NUBPL: variants seen among roughly 807,000 people sequenced by gnomAD.
NUBPL encodes iron-sulfur cluster transfer protein NUBPL.
NUBPL carries 31 observed loss-of-function variants against 45.7 expected under a neutral mutation model. The observed-to-expected ratio is 0.68, with a 90% confidence interval of 0.51 to 0.92. The LOEUF (loss-of-function observed/expected upper bound fraction) is 0.92. Ranked by LOEUF, NUBPL falls within the 40% of genes least tolerant of loss-of-function variation. The pLI, the probability that NUBPL is intolerant of heterozygous loss-of-function variation, is 0.00. For synonymous variants in NUBPL, 144 were observed against 140.9 expected (o/e 1.02, Z -0.15); for missense variants, 401 against 398.7 (o/e 1.01, Z -0.05).
chr14:31,806,229 T>C (rs2039682886), intron 7 of NUBPL, among the ~76,000 whole-genome samples: 1 of 152,202 alleles, frequency 6.6e-6, no homozygotes, highest in Non-Finnish European at 1.5e-5. Flanking sequence ...TCTCTATTCC[T>C]TTATTTCCTG....
chr14:31,793,051 T>C (rs979277604), intron 7 of NUBPL, among the ~76,000 whole-genome samples: 9 of 152,214 alleles, frequency 5.9e-5, no homozygotes, highest in Non-Finnish European at 2.9e-5. Context: ...TTCCTTATCA[T>C]TGACTTTAGA....
chr14:31,759,552 G>A (rs1163967355), intron 6 of NUBPL, among the ~76,000 whole-genome samples: 1 of 151,838 alleles, frequency 6.6e-6, no homozygotes, highest in African/African-American at 2.4e-5. Flanking sequence ...GCATTTTTTT[G>A]TGGAGAGAAC....
intron 4 of NUBPL, among the ~76,000 whole-genome samples, chr14:31,636,941 A>C (rs1057348581): frequency 2.6e-5 from 4 of 151,946 alleles, no homozygotes; most frequent in Non-Finnish European, 4.4e-5. Context: ...GTGATATCCC[A>C]TTTATCATTT....
chr14:31,641,685 G>T (rs953050921), intron 4 of NUBPL, among the ~76,000 whole-genome samples: 1 of 152,084 alleles, frequency 6.6e-6, no homozygotes, highest in Non-Finnish European at 1.5e-5. Context: ...CTTTATTTTG[G>T]ATATATACCC....
At position 31,673,543 on chromosome 14, in the gene NUBPL, T is replaced by C; in HGVS notation, c.482T>C (p.Val161Ala). ...SEPVVWRGLM[V>A]MSAIEKLLRQ... ...CCAGTAGTTTGGAGAGGCCTTATGG[T>C]AATGTCGGCCATTGAGAAATTGTTG... Residue 161 changes from valine (V) to alanine (A), a missense_variant, in exon 6 of 11, where the codon GTA becomes GCA. Val to Ala is a moderately conservative substitution (Grantham distance 64). Coordinates refer to ENST00000281081, the MANE Select transcript of NUBPL (RefSeq NM_025152.3). The C allele has an allele frequency of 6.2e-7, 1 of 1,613,940 alleles. No individual in the cohort carries two copies. The highest frequency in any genetic ancestry group is 1.1e-5 in the South Asian group (1 of 91,082).
intron 3 of NUBPL, among the ~76,000 whole-genome samples, chr14:31,581,262 A>G (rs898915615): frequency 6.7e-6 from 1 of 148,596 alleles, no homozygotes; most frequent in Non-Finnish European, 1.5e-5. Flanking sequence ...GACCATTTTA[A>G]TGATTTTAAA....
chr14:31,775,608 T>G (rs1335941292), intron 6 of NUBPL, among the ~76,000 whole-genome samples: 1 of 152,160 alleles, frequency 6.6e-6, no homozygotes, highest in African/African-American at 2.4e-5. Context: ...CTTGGCCACT[T>G]GCTTTGTTTT....
intron 6 of NUBPL, among the ~76,000 whole-genome samples, chr14:31,781,804 A>G (rs552882188): frequency 3.5e-4 from 54 of 152,230 alleles, no homozygotes; most frequent in African/African-American, 1.3e-3. Context: ...ACCATCTATG[A>G]CATGCTTAGA....
intron 6 of NUBPL, among the ~76,000 whole-genome samples, chr14:31,754,567 A>C (rs1318427748): frequency 6.7e-6 from 1 of 149,242 alleles, no homozygotes; most frequent in Non-Finnish European, 1.5e-5. Context: ...GTGGGTTTTA[A>C]ATTGATAATG....
intron 4 of NUBPL, among the ~76,000 whole-genome samples, chr14:31,617,256 A>C (rs974491700): frequency 6.6e-6 from 1 of 152,058 alleles, no homozygotes; most frequent in Non-Finnish European, 1.5e-5. Flanking sequence ...CTAATTGAAT[A>C]CCCTTTATGT....
intron 6 of NUBPL, among the ~76,000 whole-genome samples, chr14:31,690,802 T>C (rs1223634982): frequency 3.9e-5 from 6 of 152,186 alleles, no homozygotes; most frequent in Non-Finnish European, 4.4e-5. Context: ...ATTCAAGACC[T>C]TGTAGACGCC....
chr14:31,739,037 G>A (rs973616833), intron 6 of NUBPL, among the ~76,000 whole-genome samples: 1 of 151,012 alleles, frequency 6.6e-6, no homozygotes, highest in African/African-American at 2.4e-5. Flanking sequence ...TTTTGAGATG[G>A]AGTCTCATTC....
At chr14:31,645,650 G>A (rs954268529) in intron 4 of NUBPL, among the ~76,000 whole-genome samples, 2 of 151,894 alleles carry the variant, frequency 1.3e-5, no homozygotes, top group Non-Finnish European at 2.9e-5. Flanking sequence ...TTTTTGCAAT[G>A]TGGTTAGTAT....
intron 2 of NUBPL, among the ~76,000 whole-genome samples, chr14:31,564,057 T>A (rs2033369746): frequency 6.6e-6 from 1 of 152,222 alleles, no homozygotes; most frequent in Non-Finnish European, 1.5e-5. Flanking sequence ...AAATTTATGC[T>A]CTTAACTAGT....
intron 6 of NUBPL, among the ~76,000 whole-genome samples, chr14:31,777,434 G>A (rs1033820650): frequency 6.6e-6 from 1 of 152,166 alleles, no homozygotes; most frequent in Non-Finnish European, 1.5e-5. Context: ...GGTTAAGTTG[G>A]TTCCTGTTTC....
intron 6 of NUBPL, among the ~76,000 whole-genome samples, chr14:31,685,570 CA>C: frequency 6.6e-6 from 1 of 150,784 alleles, no homozygotes; most frequent in African/African-American, 2.4e-5. Flanking sequence ...AGTGAAGAGG[CA>C]GTGAAAATTA....
At chr14:31,623,679 A>AC (rs2035129142) in intron 4 of NUBPL, among the ~76,000 whole-genome samples, 1 of 152,198 alleles carries the variant, frequency 6.6e-6, no homozygotes, top group Admixed American at 6.5e-5. Context: ...GTCACACAGA[A>AC]CTATGAGTCA....
intron 7 of NUBPL, among the ~76,000 whole-genome samples, chr14:31,799,303 T>TA (rs1454549312): frequency 6.6e-6 from 1 of 152,120 alleles, no homozygotes; most frequent in Admixed American, 6.5e-5. Context: ...GGATGGAATA[T>TA]TTACATTCAT....
At chr14:31,639,788 C>T (rs35964066) in intron 4 of NUBPL, among the ~76,000 whole-genome samples, 69,180 of 151,946 alleles carry the variant, frequency 0.46, 17,147 homozygotes, top group East Asian at 0.6. Flanking sequence ...TGGGCAATGG[C>T]GGGCGCCCCT....
Sources: gnomAD v4.1 joint callset for allele counts (sites outside exome capture counted in the v4.1 genomes callset) on GRCh38, gnomAD v4.1.1 for gene constraint, MANE v1.5 for transcripts, NCBI Gene and HGNC (gene_info 2026-07-23, HGNC 2026-07-21) for gene names.